The following TNPO1 variants were observed in gnomAD, a reference collection of about 807,000 sequenced individuals.
TNPO1 encodes the protein transportin-1.
In TNPO1, 8 loss-of-function variants were observed where a neutral mutation model predicts 119.5. That is an observed-to-expected ratio of 0.07 (90% CI 0.04 to 0.12). The LOEUF (loss-of-function observed/expected upper bound fraction) is 0.12. Among genes scored for constraint, TNPO1 ranks in the 10% least tolerant of loss-of-function variants. TNPO1 has a pLI of 1.00. For synonymous variants in TNPO1, 362 were observed against 363.0 expected (o/e 1.00, Z 0.03); for missense variants, 576 against 1,089.8 (o/e 0.53, Z 6.64).
intron 20 of TNPO1, among the ~76,000 whole-genome samples, chr5:72,898,985 A>G (rs754098930): frequency 7.9e-5 from 12 of 152,102 alleles, no homozygotes; most frequent in Non-Finnish European, 1.3e-4. Flanking sequence ...CCTGTTGTGT[A>G]TGAATGTATT....
intron 24 of TNPO1, chr5:72,905,660 C>G (rs1484524402): frequency 4.0e-6 from 1 of 250,732 alleles, no homozygotes; most frequent in East Asian, 8.1e-5. Flanking sequence ...TTGGGGAGGC[C>G]AAGGTGGGCA....
chr5:72,835,199 C>T (rs1471656807), intron 1 of TNPO1, among the ~76,000 whole-genome samples: 1 of 152,204 alleles, frequency 6.6e-6, no homozygotes, highest in Non-Finnish European at 1.5e-5. Flanking sequence ...TGCCCGTATA[C>T]AATTTTTGTA....
At position 72,882,599 on chromosome 5, in the gene TNPO1, A is replaced by C. The variant is rs1290947413; in HGVS notation, c.981+72A>C. ...CTTAGTACATCTTTGGATTTGGCCA[A>C]TAAAACATTCATTGAGAATAGATCT... On this transcript the variant is annotated intron_variant, in intron 10 of 24. Transcript: ENST00000337273. 2.7e-6 allele frequency: 3 copies of C among 1,091,214 alleles called. No homozygotes were observed. In the African/African-American group the frequency reaches 4.7e-5, roughly 17 times the overall value. The allele number at this position is 1,091,214 out of a possible 1,614,324, so 67.6% of individuals were successfully genotyped here. A position where few individuals can be genotyped will look rare whatever the true frequency, so the allele number is the denominator to read the frequency against.
chr5:72,848,338 G>A (rs1309431725), intron 1 of TNPO1, 47 bp from the exon 2 acceptor site: 2 of 1,577,896 alleles, frequency 1.3e-6, no homozygotes. Flanking sequence ...CTGTGCACCG[G>A]GAGTAACAGT....
At chr5:72,832,601 C>G (rs981411811) in intron 1 of TNPO1, among the ~76,000 whole-genome samples, 1 of 152,134 alleles carries the variant, frequency 6.6e-6, no homozygotes, top group Non-Finnish European at 1.5e-5. Flanking sequence ...CCAAGTACTA[C>G]CTGAAAGCTA....
At chr5:72,852,618 A>G (rs1402791783) in intron 3 of TNPO1, among the ~76,000 whole-genome samples, 1 of 152,272 alleles carries the variant, frequency 6.6e-6, no homozygotes, top group Non-Finnish European at 1.5e-5. Context: ...AACAAGGTTT[A>G]GACAACCAGA....
chr5:72,903,365 T>G (rs567934996), intron 22 of TNPO1, among the ~76,000 whole-genome samples: 1 of 152,336 alleles, frequency 6.6e-6, no homozygotes, highest in South Asian at 2.1e-4. Context: ...TTTTATGTTT[T>G]TCTTTAATCC....
At chr5:72,864,734 G>C (rs1746751553) in intron 5 of TNPO1, among the ~76,000 whole-genome samples, 2 of 152,026 alleles carry the variant, frequency 1.3e-5, no homozygotes, top group Non-Finnish European at 1.5e-5. Flanking sequence ...TCAGCCTCCA[G>C]AGTAGCTGGG....
chr5:72,868,190 T>C (rs1476869097), intron 6 of TNPO1, among the ~76,000 whole-genome samples: 1 of 151,754 alleles, frequency 6.6e-6, no homozygotes, highest in East Asian at 1.9e-4. Context: ...CCCAGCACTT[T>C]GGGAGGCCGA....
intron 5 of TNPO1, among the ~76,000 whole-genome samples, chr5:72,862,919 A>G (rs1420317132): frequency 6.6e-6 from 1 of 151,780 alleles, no homozygotes; most frequent in East Asian, 1.9e-4. Context: ...AAGTGTTAGG[A>G]TTACAGGTGT....
At chr5:72,863,024 GT>G (rs1043441692) in intron 5 of TNPO1, among the ~76,000 whole-genome samples, 7 of 144,192 alleles carry the variant, frequency 4.9e-5, no homozygotes, top group African/African-American at 7.7e-5. Flanking sequence ...GTGTGTGTGT[GT>G]GGTTTTTTTT....
chr5:72,819,282 C>G (rs867254032), intron 1 of TNPO1, among the ~76,000 whole-genome samples: 1 of 152,192 alleles, frequency 6.6e-6, no homozygotes, highest in Admixed American at 6.5e-5. Flanking sequence ...TCCACCAGAT[C>G]ATGATCAGAT....
intron 18 of TNPO1, 137 bp downstream of exon 18, chr5:72,893,840 T>C (rs1749231742): frequency 2.4e-6 from 2 of 833,186 alleles, no homozygotes; most frequent in African/African-American, 1.7e-5. Flanking sequence ...TAAAGTAAAC[T>C]TGCTGTGATT....
At chr5:72,840,348 A>C (rs1744854783) in intron 1 of TNPO1, among the ~76,000 whole-genome samples, 1 of 152,140 alleles carries the variant, frequency 6.6e-6, no homozygotes, top group Non-Finnish European at 1.5e-5. Flanking sequence ...AGATAATTAT[A>C]GTACATATTC....
Position 72,827,292 on chromosome 5 carries a change from C to A in TNPO1, c.15+10540C>A, listed in dbSNP as rs115150023. ...GGCACCCATGTTAGGTACAGCTTTGCAGGCTGTGATGAGGATATAAGATCT... is the reference window on the plus strand; with the variant it reads ...GGCACCCATGTTAGGTACAGCTTTGAAGGCTGTGATGAGGATATAAGATCT... On this transcript the variant is annotated intron_variant, in intron 1 of 24. Coordinates refer to ENST00000337273, the MANE Select transcript of TNPO1 (RefSeq NM_002270.4). Among the ~76,000 whole-genome samples the A allele has an allele frequency of 5.0e-3, 757 of 152,232 alleles. 5 individuals are homozygous for A. Among genetic ancestry groups the A allele is most frequent in the Middle Eastern group, 0.024 (7 of 294 alleles).
chr5:72,828,604 AT>A (rs1744310212), intron 1 of TNPO1, among the ~76,000 whole-genome samples: 1 of 152,140 alleles, frequency 6.6e-6, no homozygotes, highest in Non-Finnish European at 1.5e-5. Context: ...TTTAATGTGC[AT>A]ATCCTGAGAG....
rs898952598 is a variant in TNPO1, at chr5:72,911,431, A to G, written c.*2758A>G. Reference sequence around the variant, plus strand: ...ATTCTTTGTGTATTTTTCCCCCTTGAGGTTATTGTTTCTTCCTAATTTATA... The same window carrying G: ...ATTCTTTGTGTATTTTTCCCCCTTGGGGTTATTGTTTCTTCCTAATTTATA... On this transcript the variant is annotated 3_prime_UTR_variant, in exon 25 of 25. Coordinates refer to ENST00000337273, the MANE Select transcript of TNPO1 (RefSeq NM_002270.4). 3 of 152,286 alleles carry G rather than the reference A, an allele frequency of 2.0e-5. No individual in the cohort carries two copies. The highest frequency in any genetic ancestry group is 7.3e-5 in the African/African-American group (3 of 41,364). 9.4% of individuals were successfully genotyped at this position (152,286 alleles called of 1,614,324 possible). A position where few individuals can be genotyped will look rare whatever the true frequency, so the allele number is the denominator to read the frequency against.
At chr5:72,855,019 C>T (rs888965931) in intron 3 of TNPO1, among the ~76,000 whole-genome samples, 24 of 151,064 alleles carry the variant, frequency 1.6e-4, no homozygotes, top group African/African-American at 5.6e-4. Context: ...TTGAGACAGT[C>T]TCACTCTGTC....
Position 72,908,086 on chromosome 5 carries a change from T to C in TNPO1, c.*36-623T>C, listed in dbSNP as rs929229679. Among the ~76,000 whole-genome samples, 11 of 152,076 alleles carry C rather than the reference T, an allele frequency of 7.2e-5. No individual in the cohort carries two copies. In the South Asian group the frequency reaches 2.1e-3, roughly 29 times the overall value. On this transcript the variant is annotated intron_variant, in intron 24 of 24. Transcript: ENST00000337273. Reference sequence around the variant, plus strand: ...ATAAATAAATGTTAAATTTGCTTTTTTCTCTCTCTCTTTTTTTATGTAGAA... The same window carrying C: ...ATAAATAAATGTTAAATTTGCTTTTCTCTCTCTCTCTTTTTTTATGTAGAA...
Sources: gnomAD v4.1 joint callset for allele counts (sites outside exome capture counted in the v4.1 genomes callset) on GRCh38, gnomAD v4.1.1 for gene constraint, MANE v1.5 for transcripts, NCBI Gene and HGNC (gene_info 2026-07-23, HGNC 2026-07-21) for gene names.